The following NRXN3 variants were observed in gnomAD, a reference collection of about 807,000 sequenced individuals.
NRXN3 encodes the protein neurexin 3.
NRXN3 carries 32 observed loss-of-function variants against 137.6 expected under a neutral mutation model. The ratio of observed to expected loss-of-function variants is 0.23; its 90% CI spans 0.18 to 0.31. The LOEUF (loss-of-function observed/expected upper bound fraction) is 0.31, where lower values mean the gene tolerates loss of function less well. NRXN3 is among the 10% of genes least tolerant of loss of function. The probability of loss-of-function intolerance (pLI) is 1.00; values close to 1 mark genes in which losing one functional copy is unlikely to be tolerated. For missense variants in NRXN3, 1,574 were observed against 2,062.5 expected, an observed-to-expected ratio of 0.76 and a Z score of 4.59; for synonymous variants, 798 against 784.5, an observed-to-expected ratio of 1.02 and a Z score of -0.29.
chr14:79,008,173 A>T (rs1442526792), intron 15 of NRXN3, among the ~76,000 whole-genome samples: 1 of 152,236 alleles, frequency 6.6e-6, no homozygotes, highest in Non-Finnish European at 1.5e-5. Context: ...CATTTCTACA[A>T]ATCAACTCTG....
At chr14:79,571,470 G>A (rs1439349751) in intron 16 of NRXN3, among the ~76,000 whole-genome samples, 1 of 152,160 alleles carries the variant, frequency 6.6e-6, no homozygotes, top group Non-Finnish European at 1.5e-5. Context: ...ACTGGCAGCT[G>A]GGGGTGATGA....
At chr14:79,425,013 G>T (rs1286856787) in intron 15 of NRXN3, among the ~76,000 whole-genome samples, 1 of 152,116 alleles carries the variant, frequency 6.6e-6, no homozygotes, top group Non-Finnish European at 1.5e-5. Flanking sequence ...AAAATGTAGG[G>T]TGGTTGGTAA....
At chr14:78,533,722 T>C (rs575162160) in intron 4 of NRXN3, among the ~76,000 whole-genome samples, 15 of 152,316 alleles carry the variant, frequency 9.8e-5, no homozygotes, top group Admixed American at 3.3e-4. Flanking sequence ...CTCGATATCA[T>C]CTCTCCAGGA....
At position 79,819,482 on chromosome 14, in the gene NRXN3, C is replaced by CT. The variant is rs58492725; in HGVS notation, c.4093+14312dup. Reference sequence around the variant, plus strand: ...ATAGGATACAACAGGACATTAAAAGCTTTTTTTTTTTTTTTTTTTTGAGAC... The same window carrying CT: ...ATAGGATACAACAGGACATTAAAAGCTTTTTTTTTTTTTTTTTTTTTGAGAC... On this transcript the variant is annotated intron_variant, in intron 20 of 20. Coordinates refer to ENST00000335750, the MANE Select transcript of NRXN3 (RefSeq NM_001330195.2). 3.2e-3 allele frequency among the ~76,000 whole-genome samples: 230 copies of CT among 71,904 alleles called. 8 individuals are homozygous for CT. Among genetic ancestry groups the CT allele is most frequent in the Admixed American group, 5.2e-3 (27 of 5,216 alleles). The allele number at this position is 71,904 out of a possible 152,430, so 47.2% of individuals were successfully genotyped here.
At chr14:79,215,754 C>A (rs2068398974) in intron 15 of NRXN3, among the ~76,000 whole-genome samples, 2 of 152,084 alleles carry the variant, frequency 1.3e-5, no homozygotes, top group African/African-American at 2.4e-5. Context: ...GGGACATAGA[C>A]AAACCATATC....
intron 4 of NRXN3, among the ~76,000 whole-genome samples, chr14:78,569,896 C>A (rs1037891762): frequency 6.6e-6 from 1 of 152,210 alleles, no homozygotes; most frequent in African/African-American, 2.4e-5. Flanking sequence ...GGGCTTGCAC[C>A]CGGAAACTGC....
At chr14:79,806,358 G>T (rs970557592) in intron 20 of NRXN3, among the ~76,000 whole-genome samples, 4 of 152,074 alleles carry the variant, frequency 2.6e-5, no homozygotes, top group Non-Finnish European at 5.9e-5. Context: ...TGACTGCTTT[G>T]GTTTCTTGCA....
intron 15 of NRXN3, among the ~76,000 whole-genome samples, chr14:79,186,362 G>A (rs1036280260): frequency 6.6e-6 from 1 of 152,034 alleles, no homozygotes; most frequent in Non-Finnish European, 1.5e-5. Context: ...ATATAAATAT[G>A]TATTGTGTAT....
chr14:79,449,307 G>A (rs981887369), intron 15 of NRXN3, among the ~76,000 whole-genome samples: 4 of 152,192 alleles, frequency 2.6e-5, no homozygotes, highest in South Asian at 4.2e-4. Flanking sequence ...GAATCCCTTC[G>A]CATTTCTTGC....
rs574314758 is a variant in NRXN3, at chr14:78,731,034, A to G, written c.2044+15895A>G. Among the ~76,000 whole-genome samples the G allele has an allele frequency of 1.2e-4, 18 of 151,398 alleles. 1 individual carries two copies. Among genetic ancestry groups the G allele is most frequent in the African/African-American group, 4.4e-4 (18 of 41,202 alleles). On this transcript the variant is annotated intron_variant, in intron 8 of 20. Transcript: ENST00000335750. Reference sequence around the variant, plus strand: ...TATCTCACTTTCTCACCTTTCTTTCACCTTCCTTCTTTTCTTGCCTGTGAT... The same window carrying G: ...TATCTCACTTTCTCACCTTTCTTTCGCCTTCCTTCTTTTCTTGCCTGTGAT...
rs149520156 is a variant in NRXN3, at chr14:78,993,948, C to G, written c.3262+5807C>G. Reference sequence around the variant, plus strand: ...CACTGCAACCTCCGCCTCTTGGGTTCAAGTGATTCTCTTGCCTCAGTCTCC... The same window carrying G: ...CACTGCAACCTCCGCCTCTTGGGTTGAAGTGATTCTCTTGCCTCAGTCTCC... On this transcript the variant is annotated intron_variant, in intron 15 of 20. Coordinates refer to ENST00000335750, the MANE Select transcript of NRXN3 (RefSeq NM_001330195.2). Among the ~76,000 whole-genome samples, 356 of 137,772 alleles carry G rather than the reference C, an allele frequency of 2.6e-3. 2 individuals carry two copies. The highest frequency in any genetic ancestry group is 8.5e-3 in the African/African-American group (322 of 37,998). 90.4% of individuals were successfully genotyped at this position (137,772 alleles called of 152,430 possible).
intron 20 of NRXN3, among the ~76,000 whole-genome samples, chr14:79,843,632 G>A (rs906750081): frequency 1.3e-5 from 2 of 152,088 alleles, no homozygotes; most frequent in Admixed American, 1.3e-4. Context: ...AAGTTTATGT[G>A]ATATTAATAT....
intron 5 of NRXN3, among the ~76,000 whole-genome samples, chr14:78,648,973 T>C (rs2097712697): frequency 6.6e-6 from 1 of 152,128 alleles, no homozygotes; most frequent in African/African-American, 2.4e-5. Flanking sequence ...GAGAGAGATT[T>C]GGAAGAAGCA....
At chr14:78,417,499 C>G (rs992053722) in intron 4 of NRXN3, among the ~76,000 whole-genome samples, 2 of 152,192 alleles carry the variant, frequency 1.3e-5, no homozygotes, top group African/African-American at 4.8e-5. Flanking sequence ...ATTATTATGA[C>G]TTATTTAGGC....
chr14:79,806,555 A>G (rs1332022686), intron 20 of NRXN3, among the ~76,000 whole-genome samples: 1 of 152,080 alleles, frequency 6.6e-6, no homozygotes, highest in Non-Finnish European at 1.5e-5. Context: ...AATAATCTGT[A>G]TGTGCTATGT....
At chr14:79,767,610 T>C (rs1752506623) in intron 19 of NRXN3, among the ~76,000 whole-genome samples, 1 of 152,224 alleles carries the variant, frequency 6.6e-6, no homozygotes, top group Non-Finnish European at 1.5e-5. Context: ...ACTTATCATA[T>C]GTCCTATACT....
intron 15 of NRXN3, among the ~76,000 whole-genome samples, chr14:79,146,628 G>T (rs573158803): frequency 8.5e-5 from 13 of 152,108 alleles, no homozygotes; most frequent in Non-Finnish European, 1.5e-4. Flanking sequence ...AAAAGAGCGT[G>T]CATCACAAAT....
intron 4 of NRXN3, among the ~76,000 whole-genome samples, chr14:78,432,877 G>T (rs1042302923): frequency 1.3e-4 from 20 of 152,200 alleles, no homozygotes; most frequent in African/African-American, 4.3e-4. Context: ...GACTTCACGT[G>T]ATCCTGTAAG....
intron 4 of NRXN3, among the ~76,000 whole-genome samples, chr14:78,315,817 T>C (rs2078644822): frequency 6.6e-6 from 1 of 151,986 alleles, no homozygotes; most frequent in African/African-American, 2.4e-5. Context: ...AATTTTCTTG[T>C]TGCATTAAGA....
Sources: gnomAD v4.1 joint callset for allele counts (sites outside exome capture counted in the v4.1 genomes callset) on GRCh38, gnomAD v4.1.1 for gene constraint, MANE v1.5 for transcripts, NCBI Gene and HGNC (gene_info 2026-07-23, HGNC 2026-07-21) for gene names.